SLC35A5: variants seen among roughly 807,000 people sequenced by gnomAD.
SLC35A5 encodes the protein solute carrier family 35 member A5.
Under a neutral mutation model 36.3 loss-of-function variants are expected in SLC35A5, and 28 were observed. The observed-to-expected ratio is 0.77, with a 90% CI of 0.57 to 1.06. The LOEUF is 1.06. SLC35A5 is among the 50% of genes least tolerant of loss of function. The pLI is 0.00. For synonymous variants in SLC35A5, 180 were observed against 173.7 expected, an observed-to-expected ratio of 1.04 and a Z score of -0.29; for missense variants, 521 against 499.3, an observed-to-expected ratio of 1.04 and a Z score of -0.41.
intron 2 of SLC35A5, among the ~76,000 whole-genome samples, chr3:112,567,472 T>G (rs1328945929): frequency 6.6e-6 from 1 of 152,118 alleles, no homozygotes; most frequent in Non-Finnish European, 1.5e-5. Context: ...TTTTGTATTT[T>G]TAGTAGATAC....
At chr3:112,570,705 A>C (rs775483457) in intron 4 of SLC35A5, 35 bp downstream of exon 4, 8 of 1,507,772 alleles carry the variant, frequency 5.3e-6, no homozygotes, top group Non-Finnish European at 6.2e-6. Flanking sequence ...ACCATTGAAA[A>C]GATACAGAGA....
intron 2 of SLC35A5, among the ~76,000 whole-genome samples, chr3:112,564,717 C>T (rs1432369471): frequency 6.6e-6 from 1 of 152,182 alleles, no homozygotes; most frequent in East Asian, 1.9e-4. Context: ...TTGGACAATA[C>T]CTGGCTTTCC....
intron 1 of SLC35A5, among the ~76,000 whole-genome samples, chr3:112,563,092 A>G (rs1934010058): frequency 6.6e-6 from 1 of 152,218 alleles, no homozygotes; most frequent in Non-Finnish European, 1.5e-5. Flanking sequence ...TTAAAAATAA[A>G]ATTCAAAATT....
At chr3:112,563,935 TTA>T (rs1266056554) in intron 2 of SLC35A5, among the ~76,000 whole-genome samples, 9 of 152,246 alleles carry the variant, frequency 5.9e-5, no homozygotes, top group African/African-American at 2.2e-4. Flanking sequence ...GGTGTCAGCA[TTA>T]TATTGTGCGG....
intron 4 of SLC35A5, among the ~76,000 whole-genome samples, chr3:112,573,069 C>A (rs549091701): frequency 1.3e-4 from 20 of 152,208 alleles, no homozygotes; most frequent in African/African-American, 4.6e-4. Flanking sequence ...TTTAATTTAG[C>A]TTCATATTAG....
At chr3:112,565,780 GAAA>G (rs888176018) in intron 2 of SLC35A5, among the ~76,000 whole-genome samples, 1 of 148,360 alleles carries the variant, frequency 6.7e-6, no homozygotes, top group African/African-American at 2.5e-5. Context: ...CAAGAAAAAA[GAAA>G]AAAAAAAGTT....
At chr3:112,561,684 G>A (rs1032501519), upstream of SLC35A5, 3 of 717,092 alleles carry the variant, frequency 4.2e-6, no homozygotes, top group Admixed American at 3.1e-5. Context: ...CGGGACGGGC[G>A]GGACGAGGGG....
In SLC35A5 at chr3:112,580,636, C is replaced by T. The variant is rs1934865592; in HGVS notation, c.519C>T (p.His173=). The T allele has an allele frequency of 1.2e-6, 2 of 1,613,992 alleles. No homozygotes were observed. The highest frequency in any genetic ancestry group is 3.3e-5 in the Admixed American group (2 of 59,996). Residue 173 remains histidine, a synonymous_variant, in exon 6 of 7, where the codon CAC becomes CAT. Coordinates refer to ENST00000492406, the MANE Select transcript of SLC35A5 (RefSeq NM_017945.5). The part of the protein sequence containing the change: ...ALTAGTKTLQ[H]NLAGRGFHHD... ...CTGCCGGGACTAAAACTTTACAGCA[C>T]AACTTGGCAGGACGTGGATTTCATC... is the stretch of plus-strand genomic sequence containing the variant.
intron 6 of SLC35A5, among the ~76,000 whole-genome samples, chr3:112,581,538 T>C (rs1934928738): frequency 6.6e-6 from 1 of 152,130 alleles, no homozygotes; most frequent in Non-Finnish European, 1.5e-5. Flanking sequence ...TATAAGTCAA[T>C]CTCAAGGACC....
chr3:112,562,396 C>G (rs1051073737), intron 1 of SLC35A5, 123 bp downstream of exon 1: 2 of 152,336 alleles, frequency 1.3e-5, no homozygotes, highest in Non-Finnish European at 2.9e-5. Context: ...AAATCTGGCC[C>G]CCTCCTGTCG....
intron 6 of SLC35A5, among the ~76,000 whole-genome samples, chr3:112,581,943 A>T (rs944033478): frequency 6.6e-6 from 1 of 152,146 alleles, no homozygotes; most frequent in Non-Finnish European, 1.5e-5. Context: ...TGCTTATGCA[A>T]TTATTCCGAA....
intron 2 of SLC35A5, among the ~76,000 whole-genome samples, chr3:112,564,769 C>G (rs919527904): frequency 1.3e-5 from 2 of 152,184 alleles, no homozygotes; most frequent in African/African-American, 2.4e-5. Context: ...TTTTGTGTCC[C>G]TGCGTACTTG....
intron 5 of SLC35A5, among the ~76,000 whole-genome samples, chr3:112,579,628 C>G (rs1029358506): frequency 5.9e-5 from 9 of 152,106 alleles, no homozygotes; most frequent in African/African-American, 2.2e-4. Flanking sequence ...CATCTTCTAG[C>G]TCAAGTGTCA....
intron 5 of SLC35A5, among the ~76,000 whole-genome samples, chr3:112,576,769 T>C (rs1418263012): frequency 6.6e-6 from 1 of 152,230 alleles, no homozygotes; most frequent in African/African-American, 2.4e-5. Flanking sequence ...TTGATGTATG[T>C]GCTTTTATTA....
chr3:112,575,879 C>A (rs1474238773), intron 5 of SLC35A5, among the ~76,000 whole-genome samples: 4 of 151,060 alleles, frequency 2.6e-5, no homozygotes, highest in African/African-American at 9.7e-5. Context: ...TGTTCCTCAG[C>A]CTCCCAAGTA....
chr3:112,581,158 T>C lies in SLC35A5; in HGVS notation c.1041T>C (p.Ser347=). 6.2e-7 allele frequency: 1 copy of C among 1,614,072 alleles called. No homozygotes were observed. The highest frequency in any genetic ancestry group is 8.5e-7 in the Non-Finnish European group (1 of 1,179,946). ...QVTTVIITTV[S]VLVFDFRPSL... ...CCACTGTCATTATCACAACAGTGTC[T>C]GTCCTGGTCTTTGACTTCAGGCCCT... The change falls in exon 6 of 7, where the codon TCT becomes TCC. Residue 347 remains serine, a synonymous_variant. Transcript: ENST00000492406.
In SLC35A5 at chr3:112,580,564, C is replaced by T; in HGVS notation, c.447C>T (p.Ile149=). The T allele has an allele frequency of 6.2e-7, 1 of 1,612,782 alleles. No homozygotes were observed. The highest frequency in any genetic ancestry group is 1.1e-5 in the South Asian group (1 of 90,974). The part of the protein sequence containing the change: ...RIVLKRRLNW[I]QWASLLTLFL... ...TGAACAGGAGGCGTCTAAACTGGATCCAGTGGGCTTCCCTCCTGACTTTAT... is the reference window on the plus strand; with the variant it reads ...TGAACAGGAGGCGTCTAAACTGGATTCAGTGGGCTTCCCTCCTGACTTTAT... The change falls in exon 6 of 7, where the codon ATC becomes ATT. Residue 149 remains isoleucine (I), a synonymous_variant. Coordinates refer to ENST00000492406, the MANE Select transcript of SLC35A5 (RefSeq NM_017945.5).
At chr3:112,573,249 A>T (rs1283552000) in intron 4 of SLC35A5, among the ~76,000 whole-genome samples, 1 of 152,202 alleles carries the variant, frequency 6.6e-6, no homozygotes, top group Non-Finnish European at 1.5e-5. Context: ...ATGGAATTTC[A>T]TGCTTTCTGA....
At chr3:112,571,197 T>C (rs1383317679) in intron 4 of SLC35A5, among the ~76,000 whole-genome samples, 2 of 152,232 alleles carry the variant, frequency 1.3e-5, no homozygotes, top group African/African-American at 4.8e-5. Context: ...AGAAATGCCA[T>C]CTATAACTGA....
Sources: gnomAD v4.1 joint callset for allele counts (sites outside exome capture counted in the v4.1 genomes callset) on GRCh38, gnomAD v4.1.1 for gene constraint, MANE v1.5 for transcripts, NCBI Gene and HGNC (gene_info 2026-07-23, HGNC 2026-07-21) for gene names.